SMOX: variants seen among roughly 807,000 people sequenced by gnomAD.
The protein encoded by SMOX is flavin containing amine oxidase.
SMOX carries 22 observed loss-of-function variants against 51.0 expected under a neutral mutation model. The ratio of observed to expected loss-of-function variants is 0.43; its 90% CI spans 0.31 to 0.62. SMOX has a LOEUF of 0.62. SMOX is among the 20% of genes least tolerant of loss of function. The pLI, the probability that SMOX is intolerant of heterozygous loss-of-function variation, is 0.10. For synonymous variants in SMOX, 282 were observed against 307.8 expected (o/e 0.92, Z 0.88); for missense variants, 566 against 777.7 (o/e 0.73, Z 3.24).
chr20:4,164,597 A>G (rs1003191119), intron 1 of SMOX, among the ~76,000 whole-genome samples: 1 of 152,232 alleles, frequency 6.6e-6, no homozygotes, highest in Non-Finnish European at 1.5e-5. Flanking sequence ...CAAATGAAAC[A>G]TAAGGAAATA....
intron 6 of SMOX, among the ~76,000 whole-genome samples, chr20:4,185,375 C>T (rs924991176): frequency 6.6e-6 from 1 of 152,178 alleles, no homozygotes; most frequent in Non-Finnish European, 1.5e-5. Flanking sequence ...TAGATCAGTA[C>T]CAGCCTCACC....
rs370313611 is a variant in SMOX, at chr20:4,181,918, C to T, written c.551C>T (p.Pro184Leu). The change falls in exon 4 of 7, where the codon CCT becomes CTT. Residue 184 changes from proline to leucine, a missense_variant. Transcript: ENST00000305958. This position sits in a 1 kb window ranked among gnomAD's most constrained non-coding sequence, Gnocchi z 5.6. ...EEVRNRIRND[P>L]DDPEATKRLK... ...GTGCGTAACCGCATCAGGAATGACCCTGACGACCCAGAGGCTACCAAGCGC... is the reference window on the plus strand; with the variant it reads ...GTGCGTAACCGCATCAGGAATGACCTTGACGACCCAGAGGCTACCAAGCGC... 26 of 1,614,054 alleles carry T rather than the reference C, an allele frequency of 1.6e-5. No individual in the cohort carries two copies. The highest frequency in any genetic ancestry group is 1.9e-5 in the Non-Finnish European group (23 of 1,180,036).
rs1312124813 is a variant in SMOX, at chr20:4,149,203, C to T, written c.-27+226C>T. On this transcript the variant is annotated intron_variant, in intron 1 of 6. Coordinates refer to ENST00000305958, the MANE Select transcript of SMOX (RefSeq NM_175839.3). The surrounding 1 kb of genome is among the most constrained non-coding windows in gnomAD (Gnocchi z 6.0). ...GGGGGCGCCGCGCCCCCCTGGCTTC[C>T]GCCGGGGTAAGCAGTGGTGTGGGCC... Among the ~76,000 whole-genome samples, 2 of 149,976 alleles carry T rather than the reference C, an allele frequency of 1.3e-5. No individual in the cohort carries two copies. The highest frequency in any genetic ancestry group is 3.9e-4 in the East Asian group (2 of 5,072).
intron 1 of SMOX, among the ~76,000 whole-genome samples, chr20:4,173,629 C>T (rs1013814581): frequency 6.6e-6 from 1 of 152,166 alleles, no homozygotes; most frequent in South Asian, 2.1e-4. Context: ...CAGTTATGCG[C>T]AGCTTTATTA....
chr20:4,151,213 A>G (rs1985738885), intron 1 of SMOX, among the ~76,000 whole-genome samples: 1 of 151,892 alleles, frequency 6.6e-6, no homozygotes, highest in Admixed American at 6.6e-5. Context: ...CACAACGTTG[A>G]TCTCAAGCCT....
At chr20:4,163,013 G>C (rs1161128207) in intron 1 of SMOX, among the ~76,000 whole-genome samples, 1 of 152,192 alleles carries the variant, frequency 6.6e-6, no homozygotes, top group East Asian at 1.9e-4. Context: ...TTGGGAGCTG[G>C]GCAGCAGCGG....
chr20:4,176,566 C>T (rs1002906820), intron 2 of SMOX, among the ~76,000 whole-genome samples: 32 of 152,106 alleles, frequency 2.1e-4, no homozygotes, highest in Admixed American at 1.2e-3. Flanking sequence ...TTCATTGTTT[C>T]GGCTTCCCTG....
In SMOX at chr20:4,181,885, G is replaced by A. The variant is rs1388006201; in HGVS notation, c.518G>A (p.Arg173Gln). Reference sequence around the variant, plus strand: ...CAAAATAGCGTGGGGGTGTTCACCCGAGAGGAGGTGCGTAACCGCATCAGG... The same window carrying A: ...CAAAATAGCGTGGGGGTGTTCACCCAAGAGGAGGTGCGTAACCGCATCAGG... Reference protein sequence around the residue: ...ESQNSVGVFTREEVRNRIRND... With the variant: ...ESQNSVGVFTQEEVRNRIRND... The change falls in exon 4 of 7, where the codon CGA becomes CAA. Residue 173 changes from arginine (R) to glutamine (Q), a missense_variant. Physicochemically the swap from Arg to Gln is conservative, Grantham distance 43. Coordinates refer to ENST00000305958, the MANE Select transcript of SMOX (RefSeq NM_175839.3). This position sits in a 1 kb window ranked among gnomAD's most constrained non-coding sequence, Gnocchi z 5.6. 1 of 1,614,170 alleles carries A rather than the reference G, an allele frequency of 6.2e-7. No homozygotes were observed. The highest frequency in any genetic ancestry group is 1.1e-5 in the South Asian group (1 of 91,072).
At chr20:4,160,897 G>A (rs1476561101) in intron 1 of SMOX, among the ~76,000 whole-genome samples, 1 of 152,172 alleles carries the variant, frequency 6.6e-6, no homozygotes, top group Non-Finnish European at 1.5e-5. Flanking sequence ...GTGGGACCCT[G>A]TGGCTCAGGA....
intron 6 of SMOX, chr20:4,186,770 G>T: frequency 1.3e-6 from 1 of 781,012 alleles, no homozygotes; most frequent in South Asian, 1.3e-5. Context: ...GCAGCAGCCT[G>T]GTCACCTTTT....
In SMOX at chr20:4,170,096, C is replaced by G. The variant is rs947236522; in HGVS notation, c.-26-4934C>G. Reference sequence around the variant, plus strand: ...CAGCGAGATGCCCAGCTGTGCTTATCCTTGGAGGGTGGGGCTGGGAGATTG... The same window carrying G: ...CAGCGAGATGCCCAGCTGTGCTTATGCTTGGAGGGTGGGGCTGGGAGATTG... On this transcript the variant is annotated intron_variant, in intron 1 of 6. Transcript: ENST00000305958. This position sits in a 1 kb window ranked among gnomAD's most constrained non-coding sequence, Gnocchi z 4.6. 5.3e-5 allele frequency among the ~76,000 whole-genome samples: 8 copies of G among 151,096 alleles called. No individual in the cohort carries two copies. The highest frequency in any genetic ancestry group is 2.0e-4 in the African/African-American group (8 of 41,022).
In SMOX at chr20:4,162,697, T is replaced by C. The variant is rs1282946134; in HGVS notation, c.-26-12333T>C. ...GAGACAAAACATACAAATATAGGTC[T>C]CTCTAAGGACTTCTGATGAGGAGGC... is the stretch of plus-strand genomic sequence containing the variant. On this transcript the variant is annotated intron_variant, in intron 1 of 6. Transcript: ENST00000305958. 2.0e-5 allele frequency among the ~76,000 whole-genome samples: 3 copies of C among 152,190 alleles called. No homozygotes were observed. The East Asian group carries it at 5.8e-4, about 29-fold the overall frequency.
intron 1 of SMOX, among the ~76,000 whole-genome samples, chr20:4,174,151 C>G (rs527594291): frequency 6.6e-6 from 1 of 152,082 alleles, no homozygotes; most frequent in African/African-American, 2.4e-5. Context: ...TGGGGGAGGG[C>G]GGGACTATGT....
At chr20:4,173,645 G>A (rs1978597931) in intron 1 of SMOX, among the ~76,000 whole-genome samples, 1 of 152,184 alleles carries the variant, frequency 6.6e-6, no homozygotes, top group African/African-American at 2.4e-5. Flanking sequence ...TATTAGGTAC[G>A]GGTGACAGTG....
Position 4,183,843 on chromosome 20 carries a change from GA to G in SMOX, c.1530+191del, listed in dbSNP as rs1216989528. On this transcript the variant is annotated intron_variant, in intron 6 of 6. Coordinates refer to ENST00000305958, the MANE Select transcript of SMOX (RefSeq NM_175839.3). This position sits in a 1 kb window ranked among gnomAD's most constrained non-coding sequence, Gnocchi z 4.3. ...CACTTAATATCTGGAAGAAAAAATG[GA>G]ATCAAATTGAAACTTAAAATGTTTT... is the stretch of plus-strand genomic sequence containing the variant. 6.6e-6 allele frequency among the ~76,000 whole-genome samples: 1 copy of G among 152,140 alleles called. No homozygotes were observed. Among genetic ancestry groups the G allele is most frequent in the Non-Finnish European group, 1.5e-5 (1 of 68,018 alleles).
intron 2 of SMOX, chr20:4,175,933 G>T (rs1978809785): frequency 6.6e-6 from 1 of 151,760 alleles, no homozygotes; most frequent in Admixed American, 6.6e-5. Flanking sequence ...TGACCATTGA[G>T]GGGTTGGGTG....
chr20:4,152,901 A>G (rs964664530), intron 1 of SMOX, among the ~76,000 whole-genome samples: 1 of 152,230 alleles, frequency 6.6e-6, no homozygotes, highest in Non-Finnish European at 1.5e-5. Context: ...ATACAACTAA[A>G]TAATAACAGA....
chr20:4,168,521 G>A (rs1027706687), intron 1 of SMOX, among the ~76,000 whole-genome samples: 2 of 152,148 alleles, frequency 1.3e-5, no homozygotes, highest in African/African-American at 4.8e-5. Flanking sequence ...GTGTTCGGAG[G>A]GGGCCAGAGA....
Position 4,175,648 on chromosome 20 carries a change from G to A in SMOX, c.208+385G>A, listed in dbSNP as rs143602022. Among the ~76,000 whole-genome samples, 9 of 152,288 alleles carry A rather than the reference G, an allele frequency of 5.9e-5. No individual in the cohort carries two copies. The East Asian group carries it at 1.7e-3, about 29-fold the overall frequency. Reference sequence around the variant, plus strand: ...TTGTGAATTAGTATAACATGACTGAGAGCTAGCCCTGGAGCAGTAGGATCC... The same window carrying A: ...TTGTGAATTAGTATAACATGACTGAAAGCTAGCCCTGGAGCAGTAGGATCC... On this transcript the variant is annotated intron_variant, in intron 2 of 6. Transcript: ENST00000305958.
Sources: allele counts gnomAD v4.1 joint callset (sites outside exome capture counted in the v4.1 genomes callset), GRCh38; gene constraint gnomAD v4.1.1; non-coding constraint Gnocchi (gnomAD v3.1); transcripts MANE v1.5; gene names NCBI Gene and HGNC (gene_info 2026-07-23, HGNC 2026-07-21).